ALG13: variants seen among roughly 807,000 people sequenced by gnomAD.
ALG13 encodes ALG13 UDP-N-acetylglucosaminyltransferase subunit, also known as UDP-N-acetylglucosamine transferase subunit ALG13.
ALG13 carries 11 observed loss-of-function variants against 87.8 expected under a neutral mutation model. The observed-to-expected ratio is 0.13, with a 90% CI of 0.08 to 0.21. The LOEUF (loss-of-function observed/expected upper bound fraction) is 0.21. Ranked by LOEUF, ALG13 falls within the 10% of genes least tolerant of loss-of-function variation. The probability of loss-of-function intolerance (pLI) is 1.00; values close to 1 mark genes in which losing one functional copy is unlikely to be tolerated. For missense variants in ALG13, 756 were observed against 866.1 expected, an observed-to-expected ratio of 0.87 and a Z score of 1.60; for synonymous variants, 320 against 306.3, an observed-to-expected ratio of 1.04 and a Z score of -0.47.
intron 3 of ALG13, chrX:111,688,991 ATAT>A (rs1370701151): frequency 1.4e-6 from 1 of 739,564 alleles, no homozygotes; most frequent in Admixed American, 8.9e-5. Context: ...CATTCCAATC[ATAT>A]TATCCCAACA....
At chrX:111,727,092 G>A in intron 16 of ALG13, 37 bp downstream of exon 16, 1 of 1,202,119 alleles carries the variant, frequency 8.3e-7, no homozygotes, top group Non-Finnish European at 1.1e-6. Flanking sequence ...CATGGTCTAG[G>A]GAAATATGAA....
At chrX:111,681,628 C>T in intron 1 of ALG13, 1 of 929,148 alleles carries the variant, frequency 1.1e-6, no homozygotes, top group Non-Finnish European at 1.3e-6. Context: ...CTCCGCCCCT[C>T]CGAGCTCGGG....
intron 3 of ALG13, chrX:111,689,186 A>G (rs1332863345): frequency 1.3e-6 from 1 of 741,390 alleles, no homozygotes; most frequent in Non-Finnish European, 1.6e-6. Flanking sequence ...TTTGCTGAGA[A>G]TAATCTAAAA....
chrX:111,720,034 G>A, intron 10 of ALG13, 61 bp from the exon 11 acceptor site: 1 of 841,995 alleles, frequency 1.2e-6, no homozygotes, highest in Non-Finnish European at 1.7e-6. Flanking sequence ...TAGTCATTAG[G>A]CTTAACATAA....
At chrX:111,743,789 A>G (rs921680272) in intron 23 of ALG13, 8 of 111,582 alleles carry the variant, frequency 7.2e-5, no homozygotes, top group African/African-American at 2.0e-4. Flanking sequence ...TAAACTTTCT[A>G]TGTTTCTCAG....
chrX:111,700,667 C>T (rs1401704260), intron 3 of ALG13, among the ~76,000 whole-genome samples: 3 of 106,986 alleles, frequency 2.8e-5, no homozygotes, highest in Non-Finnish European at 5.8e-5. Context: ...ATCTCCGCCT[C>T]CCAGGTTCAA....
intron 3 of ALG13, among the ~76,000 whole-genome samples, chrX:111,703,729 A>G (rs891073939): frequency 2.8e-4 from 31 of 111,839 alleles, no homozygotes; most frequent in Admixed American, 2.5e-3. Context: ...GAAGTATTCT[A>G]TTGTTTGAAT....
chrX:111,738,890 A>G (rs1221035630), intron 23 of ALG13, among the ~76,000 whole-genome samples: 2 of 111,585 alleles, frequency 1.8e-5, no homozygotes, highest in Non-Finnish European at 3.8e-5. Flanking sequence ...AAAATTGAAA[A>G]AAAAAAATGA....
intron 23 of ALG13, among the ~76,000 whole-genome samples, chrX:111,743,070 C>T (rs1253024099): frequency 9.0e-6 from 1 of 111,596 alleles, no homozygotes; most frequent in African/African-American, 3.3e-5. Context: ...ACAAAGTAAC[C>T]TCCAAATTGT....
At chrX:111,682,385 G>C in intron 2 of ALG13, 91 bp downstream of exon 2, 1 of 757,229 alleles carries the variant, frequency 1.3e-6, no homozygotes, top group Non-Finnish European at 1.8e-6. Flanking sequence ...TGCAGGATGT[G>C]CGGGCTTGTT....
intron 22 of ALG13, 101 bp downstream of exon 22, chrX:111,735,223 T>G: frequency 1.8e-6 from 1 of 542,627 alleles, no homozygotes. Flanking sequence ...GCAACTGCTT[T>G]TGTTCCTTTA....
chrX:111,728,128 C>G, intron 18 of ALG13, 57 bp from the exon 19 acceptor site: 1 of 1,200,433 alleles, frequency 8.3e-7, no homozygotes, highest in Non-Finnish European at 1.1e-6. Context: ...ATCCCTCTAG[C>G]TTTTTTTTCT....
At position 111,703,983 on chromosome X, in the gene ALG13, G is replaced by A. The variant is rs1673490131; in HGVS notation, c.384-4044G>A. Among the ~76,000 whole-genome samples the A allele has an allele frequency of 2.7e-5, 3 of 112,088 alleles. No homozygotes were observed. The South Asian group carries it at 1.1e-3, about 41-fold the overall frequency. On this transcript the variant is annotated intron_variant, in intron 3 of 26. Transcript: ENST00000394780. The stretch of plus-strand genomic sequence containing the variant: ...ACTATTTTACATTCCCACTAGCAAC[G>A]TATGAGAGTTCCAGTTCTATATCCT...
intron 8 of ALG13, among the ~76,000 whole-genome samples, chrX:111,715,966 T>G (rs2148080840): frequency 9.0e-6 from 1 of 111,656 alleles, no homozygotes; most frequent in South Asian, 3.8e-4. Flanking sequence ...CATACTTACA[T>G]TAAAAAGAAA....
At chrX:111,758,360 A>G (rs1432303632) in intron 26 of ALG13, among the ~76,000 whole-genome samples, 1 of 112,199 alleles carries the variant, frequency 8.9e-6, no homozygotes, top group Non-Finnish European at 1.9e-5. Context: ...GCATTTTCTT[A>G]AATGAACAAA....
intron 25 of ALG13, among the ~76,000 whole-genome samples, chrX:111,753,650 A>G (rs1334361647): frequency 1.8e-5 from 2 of 112,261 alleles, no homozygotes; most frequent in East Asian, 2.8e-4. Flanking sequence ...AAACACCTCT[A>G]TGCAAATAAA....
chrX:111,695,818 C>T (rs1936901384), intron 3 of ALG13, among the ~76,000 whole-genome samples: 1 of 111,324 alleles, frequency 9.0e-6, no homozygotes, highest in Non-Finnish European at 1.9e-5. Flanking sequence ...CCATTGTGTT[C>T]CCTTCCTTCA....
chrX:111,740,048 T>C (rs1482141637), intron 23 of ALG13, among the ~76,000 whole-genome samples: 1 of 111,515 alleles, frequency 9.0e-6, no homozygotes, highest in African/African-American at 3.3e-5. Context: ...ATGGTAAGTA[T>C]TAAATACATA....
At chrX:111,743,338 C>T (rs1047831558) in intron 23 of ALG13, among the ~76,000 whole-genome samples, 1 of 111,676 alleles carries the variant, frequency 9.0e-6, no homozygotes, top group Non-Finnish European at 1.9e-5. Context: ...AATTAAGTTC[C>T]CCTCCCAAAA....
Sources: gnomAD v4.1 joint callset for allele counts (sites outside exome capture counted in the v4.1 genomes callset) on GRCh38, gnomAD v4.1.1 for gene constraint, MANE v1.5 for transcripts, NCBI Gene and HGNC (gene_info 2026-07-23, HGNC 2026-07-21) for gene names.